ME1: variants seen among roughly 807,000 people sequenced by gnomAD.
ME1 encodes malic enzyme 1, also known as NADP-dependent malic enzyme.
In ME1, 74 loss-of-function variants were observed where a neutral mutation model predicts 66.4. That is an observed-to-expected ratio of 1.11 (90% CI 0.92 to 1.35). The LOEUF (loss-of-function observed/expected upper bound fraction) is 1.35. Ranked by LOEUF, ME1 falls within the 40% of genes most tolerant of loss-of-function variation. ME1 has a pLI of 0.00. For synonymous variants in ME1, 251 were observed against 235.6 expected, an observed-to-expected ratio of 1.07 and a Z score of -0.60; for missense variants, 750 against 694.1, an observed-to-expected ratio of 1.08 and a Z score of -0.90.
chr6:83,359,161 G>C (rs1009878835), intron 3 of ME1, among the ~76,000 whole-genome samples: 4 of 151,766 alleles, frequency 2.6e-5, no homozygotes, highest in Admixed American at 2.6e-4. Context: ...TCCCAGACAG[G>C]GTGGTCGGGC....
At chr6:83,290,260 C>T (rs1168930516) in intron 6 of ME1, among the ~76,000 whole-genome samples, 4 of 152,064 alleles carry the variant, frequency 2.6e-5, no homozygotes, top group African/African-American at 9.7e-5. Flanking sequence ...CTCTTGTGGG[C>T]ATTTAGTGCT....
At chr6:83,235,488 T>TTTTTG in intron 9 of ME1, among the ~76,000 whole-genome samples, 1 of 150,308 alleles carries the variant, frequency 6.7e-6, no homozygotes, top group African/African-American at 2.5e-5. Context: ...TTTTTTTTTT[T>TTTTTG]GAGATGGAGT....
chr6:83,363,836 T>C (rs2128546315), intron 3 of ME1, among the ~76,000 whole-genome samples: 1 of 152,392 alleles, frequency 6.6e-6, no homozygotes, highest in South Asian at 2.1e-4. Context: ...CATTTAAGTA[T>C]TGTTAACTTT....
intron 12 of ME1, among the ~76,000 whole-genome samples, chr6:83,218,834 A>G (rs553992875): frequency 2.6e-5 from 4 of 152,212 alleles, no homozygotes; most frequent in Admixed American, 6.5e-5. Context: ...TCAAAGTGCT[A>G]GCTTCAGAGA....
At chr6:83,361,755 C>T (rs1769009980) in intron 3 of ME1, among the ~76,000 whole-genome samples, 2 of 152,188 alleles carry the variant, frequency 1.3e-5, no homozygotes, top group African/African-American at 4.8e-5. Context: ...GTGACCTGAA[C>T]TGCCTGTCAT....
At chr6:83,288,756 T>C (rs185203554) in intron 6 of ME1, among the ~76,000 whole-genome samples, 159 of 152,344 alleles carry the variant, frequency 1.0e-3, no homozygotes, top group South Asian at 1.9e-3. Flanking sequence ...AGTAAGGCCA[T>C]TTTCATGATA....
intron 3 of ME1, among the ~76,000 whole-genome samples, chr6:83,395,045 C>T (rs1327175964): frequency 1.3e-5 from 2 of 151,630 alleles, no homozygotes; most frequent in Admixed American, 6.6e-5. Flanking sequence ...TGGTAATTAA[C>T]ATATCAAAGG....
At chr6:83,324,977 T>G (rs1008794961) in intron 5 of ME1, among the ~76,000 whole-genome samples, 4 of 148,830 alleles carry the variant, frequency 2.7e-5, no homozygotes, top group African/African-American at 9.9e-5. Context: ...ATAAAATACT[T>G]GCAAACCGAA....
At chr6:83,330,159 T>A (rs1442316820) in intron 5 of ME1, among the ~76,000 whole-genome samples, 1 of 152,212 alleles carries the variant, frequency 6.6e-6, no homozygotes, top group Non-Finnish European at 1.5e-5. Flanking sequence ...CTTTAAATAT[T>A]AAGAACATTA....
At chr6:83,405,707 T>TTG (rs1554163184) in intron 2 of ME1, among the ~76,000 whole-genome samples, 7,511 of 143,804 alleles carry the variant, frequency 0.052, 426 homozygotes, top group African/African-American at 0.13. Flanking sequence ...GAGAGTTTTT[T>TTG]TTGTTGTTGT....
chr6:83,239,478 A>G, intron 8 of ME1, 61 bp downstream of exon 8: 1 of 1,126,976 alleles, frequency 8.9e-7, no homozygotes, highest in Non-Finnish European at 1.3e-6. Context: ...TGAGTTAATG[A>G]GCAATTAACA....
At chr6:83,296,201 A>C (rs1217231486) in intron 6 of ME1, among the ~76,000 whole-genome samples, 1 of 152,132 alleles carries the variant, frequency 6.6e-6, no homozygotes, top group Non-Finnish European at 1.5e-5. Flanking sequence ...TGGCAGAGAC[A>C]CAACAACAAC....
intron 2 of ME1, among the ~76,000 whole-genome samples, chr6:83,399,947 T>C (rs986836370): frequency 1.3e-5 from 2 of 152,322 alleles, no homozygotes; most frequent in South Asian, 2.1e-4. Flanking sequence ...ATGTGGAAAT[T>C]AGCATTGCTA....
intron 6 of ME1, among the ~76,000 whole-genome samples, chr6:83,303,504 C>G (rs1343352983): frequency 6.6e-6 from 1 of 152,046 alleles, no homozygotes. Context: ...AAAGCTAAAG[C>G]TTACTGAAGT....
At chr6:83,382,788 A>T (rs1284739418) in intron 3 of ME1, among the ~76,000 whole-genome samples, 1 of 150,526 alleles carries the variant, frequency 6.6e-6, no homozygotes, top group Non-Finnish European at 1.5e-5. Context: ...AATCTAAGAT[A>T]AGAAGACTCA....
intron 5 of ME1, among the ~76,000 whole-genome samples, chr6:83,333,121 T>C (rs904283635): frequency 1.3e-5 from 2 of 152,128 alleles, no homozygotes; most frequent in East Asian, 1.9e-4. Flanking sequence ...CATGTAGGTA[T>C]GATAAAAGAG....
At chr6:83,367,184 C>A (rs1769114639) in intron 3 of ME1, among the ~76,000 whole-genome samples, 1 of 151,780 alleles carries the variant, frequency 6.6e-6, no homozygotes, top group Admixed American at 6.6e-5. Flanking sequence ...TTTTTCTGAG[C>A]AGTATGTCTT....
intron 7 of ME1, among the ~76,000 whole-genome samples, chr6:83,248,387 A>G (rs1403394078): frequency 6.6e-6 from 1 of 152,204 alleles, no homozygotes; most frequent in African/African-American, 2.4e-5. Context: ...AAATGAATTG[A>G]CAAGTGACTT....
rs192436716 is a variant in ME1 at position 83,343,826 on chromosome 6, T to C, written c.600+2347A>G. ...TTCAAGACAACCATCAATTTGGCTA[T>C]TTTAAGACCTACTTTCATGAAATCA... On this transcript the variant is annotated intron_variant, in intron 5 of 13. Coordinates refer to ENST00000369705, the MANE Select transcript of ME1 (RefSeq NM_002395.6). Among the ~76,000 whole-genome samples, 7 of 152,304 alleles carry C rather than the reference T, an allele frequency of 4.6e-5. No homozygotes were observed. The East Asian group carries it at 1.3e-3, about 29-fold the overall frequency.
Sources: gnomAD v4.1 joint callset for allele counts (sites outside exome capture counted in the v4.1 genomes callset) on GRCh38, gnomAD v4.1.1 for gene constraint, MANE v1.5 for transcripts, NCBI Gene and HGNC (gene_info 2026-07-23, HGNC 2026-07-21) for gene names.